Variants in FSTL4 observed in about 807,000 individuals in gnomAD.
FSTL4 encodes the protein follistatin like 4.
In FSTL4, 28 loss-of-function variants were observed where a neutral mutation model predicts 78.2. That is an observed-to-expected ratio of 0.36 (90% confidence interval 0.27 to 0.49). The LOEUF (loss-of-function observed/expected upper bound fraction) is 0.49. Among genes scored for constraint, FSTL4 ranks in the 20% least tolerant of loss-of-function variants. The pLI is 0.98. For synonymous variants in FSTL4, 422 were observed against 440.5 expected, an observed-to-expected ratio of 0.96 and a Z score of 0.53; for missense variants, 922 against 1,084.9, an observed-to-expected ratio of 0.85 and a Z score of 2.11.
chr5:133,454,989 G>A (rs751341901), intron 3 of FSTL4, among the ~76,000 whole-genome samples: 1 of 152,126 alleles, frequency 6.6e-6, no homozygotes, highest in Non-Finnish European at 1.5e-5. Context: ...TTGTTGACTC[G>A]GTGCCCCACT....
At chr5:133,405,526 G>T (rs1299044806) in intron 3 of FSTL4, among the ~76,000 whole-genome samples, 1 of 152,116 alleles carries the variant, frequency 6.6e-6, no homozygotes, top group African/African-American at 2.4e-5. Context: ...GGCAGCCCTC[G>T]CCTGGGGTCA....
intron 3 of FSTL4, among the ~76,000 whole-genome samples, chr5:133,536,743 T>A (rs918542225): frequency 6.6e-6 from 1 of 152,154 alleles, no homozygotes; most frequent in Non-Finnish European, 1.5e-5. Flanking sequence ...TAACTGTAAT[T>A]CATTCATTTT....
At chr5:133,205,135 T>C (rs1303021044) in intron 14 of FSTL4, among the ~76,000 whole-genome samples, 2 of 152,248 alleles carry the variant, frequency 1.3e-5, no homozygotes, top group Non-Finnish European at 2.9e-5. Flanking sequence ...TTTGGAGAAG[T>C]AGTCTTTATT....
the FSTL4 span, among the ~76,000 whole-genome samples, chr5:133,702,433 G>A: frequency 3.3e-5 from 5 of 152,108 alleles, no homozygotes; most frequent in South Asian, 2.1e-4. Flanking sequence ...GGGGCAGGAG[G>A]TAGGACCAAG....
the FSTL4 span, among the ~76,000 whole-genome samples, chr5:133,646,325 G>C: frequency 6.6e-6 from 1 of 152,138 alleles, no homozygotes; most frequent in Non-Finnish European, 1.5e-5. Context: ...TGAGGGAACA[G>C]ACTAACATGT....
intron 3 of FSTL4, among the ~76,000 whole-genome samples, chr5:133,498,138 G>A (rs932160679): frequency 6.6e-6 from 1 of 152,198 alleles, no homozygotes; most frequent in African/African-American, 2.4e-5. Flanking sequence ...CTGTGCAAAT[G>A]AGACTTCCAG....
chr5:133,560,804 C>A (rs544765162), intron 3 of FSTL4, among the ~76,000 whole-genome samples: 85 of 151,642 alleles, frequency 5.6e-4, no homozygotes, highest in African/African-American at 1.9e-3. Flanking sequence ...GATAATTCTT[C>A]GGCCAGGAGT....
At chr5:133,243,233 A>C (rs61617089) in intron 7 of FSTL4, among the ~76,000 whole-genome samples, 4,960 of 151,750 alleles carry the variant, frequency 0.033, 265 homozygotes, top group African/African-American at 0.11. Context: ...AGCGAGATTC[A>C]GTGAAAAAAA....
intron 3 of FSTL4, among the ~76,000 whole-genome samples, chr5:133,566,857 C>T (rs530830526): frequency 6.6e-6 from 1 of 152,336 alleles, no homozygotes; most frequent in African/African-American, 2.4e-5. Flanking sequence ...GTTCACGTTG[C>T]TTTGCTGGGT....
chr5:133,534,159 G>T (rs11242161), intron 3 of FSTL4, among the ~76,000 whole-genome samples: 34,701 of 150,098 alleles, frequency 0.23, 4,439 homozygotes, highest in East Asian at 0.33. Flanking sequence ...AAACCTGATT[G>T]TAAAAAAAAA....
chr5:133,766,332 G>A, the FSTL4 span, among the ~76,000 whole-genome samples: 3 of 152,120 alleles, frequency 2.0e-5, no homozygotes, highest in Non-Finnish European at 2.9e-5. Flanking sequence ...AGGAAAATAC[G>A]TAACAGAGAC....
At chr5:133,825,266 G>A in the FSTL4 span, among the ~76,000 whole-genome samples, 40 of 152,294 alleles carry the variant, frequency 2.6e-4, no homozygotes, top group South Asian at 1.7e-3. Flanking sequence ...CAAGAAACAA[G>A]CCCTGCCAAT....
At chr5:133,620,869 C>T in the FSTL4 span, among the ~76,000 whole-genome samples, 2 of 152,116 alleles carry the variant, frequency 1.3e-5, no homozygotes, top group Non-Finnish European at 2.9e-5. Flanking sequence ...GAAAACAGTG[C>T]GGAGATTCCT....
intron 4 of FSTL4, among the ~76,000 whole-genome samples, chr5:133,398,314 A>T (rs27400): frequency 0.41 from 63,052 of 152,018 alleles, 14,902 homozygotes; most frequent in East Asian, 0.56. Context: ...AGGGTGAGGC[A>T]CTGAAGGCTT....
intron 3 of FSTL4, among the ~76,000 whole-genome samples, chr5:133,434,859 G>A (rs945476541): frequency 6.6e-6 from 1 of 152,016 alleles, no homozygotes; most frequent in Non-Finnish European, 1.5e-5. Flanking sequence ...TGATTATTAG[G>A]AAGGTTCAGA....
the FSTL4 span, among the ~76,000 whole-genome samples, chr5:133,650,304 A>C: frequency 6.6e-6 from 1 of 152,212 alleles, no homozygotes; most frequent in East Asian, 1.9e-4. Context: ...CATAGCATGT[A>C]CTTAATCAAT....
intron 3 of FSTL4, among the ~76,000 whole-genome samples, chr5:133,441,437 G>A (rs1384882193): frequency 6.6e-6 from 1 of 152,192 alleles, no homozygotes; most frequent in Admixed American, 6.5e-5. Context: ...AGCACTGCCA[G>A]TATCTGCTAC....
chr5:133,707,401 T>C, the FSTL4 span, among the ~76,000 whole-genome samples: 1 of 152,152 alleles, frequency 6.6e-6, no homozygotes, highest in Non-Finnish European at 1.5e-5. Context: ...AATCAATCAC[T>C]CCATTTCATG....
chr5:133,262,195 A>G (rs1459339620), intron 6 of FSTL4, among the ~76,000 whole-genome samples: 6 of 152,150 alleles, frequency 3.9e-5, no homozygotes, highest in Non-Finnish European at 7.4e-5. Flanking sequence ...ATGCTGGAAC[A>G]ACTGCAGCTC....
Sources: allele counts gnomAD v4.1 joint callset (sites outside exome capture counted in the v4.1 genomes callset), GRCh38; gene constraint gnomAD v4.1.1; transcripts MANE v1.5; gene names NCBI Gene and HGNC (gene_info 2026-07-23, HGNC 2026-07-21).